The following NUP98 variants were observed in gnomAD, a reference collection of about 807,000 sequenced individuals.
NUP98 encodes the protein nuclear pore complex protein Nup98-Nup96.
In NUP98, 26 loss-of-function variants were observed where a neutral mutation model predicts 191.9. The ratio of observed to expected loss-of-function variants is 0.14; its 90% confidence interval spans 0.10 to 0.19. NUP98 has a LOEUF of 0.19. Ranked by LOEUF, NUP98 falls within the 10% of genes least tolerant of loss-of-function variation. NUP98 has a pLI of 1.00. For synonymous variants in NUP98, 808 were observed against 778.4 expected, an observed-to-expected ratio of 1.04 and a Z score of -0.63; for missense variants, 1,941 against 2,178.8, an observed-to-expected ratio of 0.89 and a Z score of 2.17.
intron 1 of NUP98, among the ~76,000 whole-genome samples, chr11:3,791,573 G>A (rs2082352441): frequency 6.7e-6 from 1 of 149,662 alleles, no homozygotes; most frequent in African/African-American, 2.5e-5. Flanking sequence ...GGCTGGGCAT[G>A]GTGGCTCATG....
At position 3,675,939 on chromosome 11, in the gene NUP98, A is replaced by T; in HGVS notation, c.*220T>A. On this transcript the variant is annotated 3_prime_UTR_variant, in exon 33 of 33. Coordinates refer to ENST00000324932, the MANE Select transcript of NUP98 (RefSeq NM_016320.5). ...GGAAAAACACTGAATGATCTTGAGG[A>T]TGGTAAACTGTCTCCTCTTCTGGGT... is the stretch of plus-strand genomic sequence containing the variant. 1 of 573,998 alleles carries T rather than the reference A, an allele frequency of 1.7e-6. No individual in the cohort carries two copies. The highest frequency in any genetic ancestry group is 3.1e-6 in the Non-Finnish European group (1 of 322,398). The allele number at this position is 573,998 out of a possible 1,614,324, so 35.6% of individuals were successfully genotyped here. A position where few individuals can be genotyped will look rare whatever the true frequency, so the allele number is the denominator to read the frequency against.
chr11:3,705,469 C>A (rs1428061314), intron 21 of NUP98, 113 bp from the exon 22 acceptor site: 3 of 990,752 alleles, frequency 3.0e-6, no homozygotes, highest in Non-Finnish European at 4.5e-6. Flanking sequence ...AGGCTGTGTA[C>A]AGAGCTAGTA....
rs369306696 is a variant in NUP98 at position 3,725,854 on chromosome 11, C to T, written c.1731-635G>A. Among the ~76,000 whole-genome samples the T allele has an allele frequency of 2.7e-3, 413 of 152,312 alleles. 3 individuals carry two copies. The highest frequency in any genetic ancestry group is 9.0e-3 in the African/African-American group (376 of 41,584). ...AGACAGAGTCTCACTGTGTCACCCA[C>T]GCTGGTGTGTAGTGGTACAATCGCT... On this transcript the variant is annotated intron_variant, in intron 14 of 32. Coordinates refer to ENST00000324932, the MANE Select transcript of NUP98 (RefSeq NM_016320.5).
Position 3,691,450 on chromosome 11 carries a change from G to A in NUP98, c.4351C>T (p.Pro1451Ser). 6.2e-7 allele frequency: 1 copy of A among 1,614,190 alleles called. No individual in the cohort carries two copies. The highest frequency in any genetic ancestry group is 8.5e-7 in the Non-Finnish European group (1 of 1,180,014). ...DSDRYACSPLPSYLEGSGCVI... is the reference protein window; with the variant it reads ...DSDRYACSPLSSYLEGSGCVI... The stretch of plus-strand genomic sequence containing the variant: ...CAGCCAGAACCCTCCAGATACGAAG[G>A]AAGTGGGGAGCAGGCATATCTGTCA... The change falls in exon 28 of 33, where the codon CCT becomes TCT. Residue 1451 changes from proline (P) to serine (S), a missense_variant. By Grantham distance (74) the Pro-to-Ser change is moderately conservative. Transcript: ENST00000324932.
chr11:3,702,952 T>A, intron 22 of NUP98, 60 bp from the exon 23 acceptor site: 2 of 1,356,752 alleles, frequency 1.5e-6, no homozygotes, highest in Non-Finnish European at 2.0e-6. Flanking sequence ...CTATTGTTTC[T>A]TGAACAATAA....
chr11:3,744,710 G>A (rs2080427790), intron 11 of NUP98, 61 bp from the exon 12 acceptor site: 3 of 1,535,916 alleles, frequency 2.0e-6, no homozygotes, highest in Non-Finnish European at 2.6e-6. Context: ...TTGTGCCAGA[G>A]GTCAGTTACT....
chr11:3,784,665 A>T (rs1372601299), intron 1 of NUP98, among the ~76,000 whole-genome samples: 1 of 152,002 alleles, frequency 6.6e-6, no homozygotes, highest in Non-Finnish European at 1.5e-5. Flanking sequence ...GAAGCTAGAG[A>T]ATCACTTTAG....
At chr11:3,683,076 T>C in intron 30 of NUP98, 124 bp downstream of exon 30, 1 of 1,415,754 alleles carries the variant, frequency 7.1e-7, no homozygotes, top group Non-Finnish European at 9.6e-7. Flanking sequence ...TTTTGCAAAG[T>C]ATGATTTGAT....
At chr11:3,740,511 T>G (rs943495139) in intron 12 of NUP98, among the ~76,000 whole-genome samples, 13 of 149,644 alleles carry the variant, frequency 8.7e-5, no homozygotes, top group African/African-American at 2.5e-4. Flanking sequence ...AGCAAGACTC[T>G]GTCTCAAAAA....
rs1381786141 is a variant in NUP98, at chr11:3,676,498, T to C, written c.5185+11A>G. 1 of 1,609,152 alleles carries C rather than the reference T, an allele frequency of 6.2e-7. No homozygotes were observed. The highest frequency in any genetic ancestry group is 2.2e-5 in the East Asian group (1 of 44,870). ...AAGAAGGCAGAAAGAGTGAGGAGGTTAGAGGCTTACCTGACTGAGCCAGGC... is the reference window on the plus strand; with the variant it reads ...AAGAAGGCAGAAAGAGTGAGGAGGTCAGAGGCTTACCTGACTGAGCCAGGC... On this transcript the variant is annotated intron_variant, in intron 32 of 32. Coordinates refer to ENST00000324932, the MANE Select transcript of NUP98 (RefSeq NM_016320.5).
At chr11:3,700,925 T>G in intron 23 of NUP98, 86 bp from the exon 24 acceptor site, 1 of 885,222 alleles carries the variant, frequency 1.1e-6, no homozygotes, top group Admixed American at 2.7e-5. Flanking sequence ...CTGTTTCTTT[T>G]TATGATTACA....
In NUP98 at chr11:3,723,378, T is replaced by C; in HGVS notation, c.1925A>G (p.Tyr642Cys). 1 of 1,614,090 alleles carries C rather than the reference T, an allele frequency of 6.2e-7. No homozygotes were observed. Among genetic ancestry groups the C allele is most frequent in the Non-Finnish European group, 8.5e-7 (1 of 1,179,994 alleles). Residue 642 changes from tyrosine to cysteine, a missense_variant, in exon 16 of 33, where the codon TAT (tyrosine) becomes TGT (cysteine). Physicochemically the swap from Tyr to Cys is radical, Grantham distance 194. Coordinates refer to ENST00000324932, the MANE Select transcript of NUP98 (RefSeq NM_016320.5). ...GDEDSLVSHF[Y>C]TNPIAKPIPQ... is the part of the protein sequence containing the mutation. The stretch of plus-strand genomic sequence containing the variant: ...AATAGGTTTGGCAATAGGGTTAGTA[T>C]AAAAATGTGAAACAAGGGAATCTTC...
chr11:3,735,833 CTG>C (rs76254248), intron 12 of NUP98, among the ~76,000 whole-genome samples: 13 of 138,266 alleles, frequency 9.4e-5, no homozygotes, highest in Admixed American at 2.2e-4. Context: ...AGGGCAAATA[CTG>C]TGTGTGTGTG....
chr11:3,784,894 T>C (rs2082090762), intron 1 of NUP98, among the ~76,000 whole-genome samples: 1 of 152,070 alleles, frequency 6.6e-6, no homozygotes, highest in South Asian at 2.1e-4. Context: ...TCCAACACTT[T>C]GGGAGGCAGA....
chr11:3,693,959 T>C (rs2078407438), intron 26 of NUP98, among the ~76,000 whole-genome samples: 1 of 152,094 alleles, frequency 6.6e-6, no homozygotes, highest in African/African-American at 2.4e-5. Flanking sequence ...AGCCAGGCAC[T>C]GTGGCTCACA....
intron 30 of NUP98, among the ~76,000 whole-genome samples, chr11:3,681,257 T>C (rs941099453): frequency 3.9e-5 from 6 of 152,130 alleles, no homozygotes; most frequent in Non-Finnish European, 7.3e-5. Context: ...CCCAGGCTGG[T>C]CTCGAACTCC....
chr11:3,747,876 C>T (rs1397831215), intron 11 of NUP98, among the ~76,000 whole-genome samples: 4 of 152,190 alleles, frequency 2.6e-5, no homozygotes, highest in Non-Finnish European at 5.9e-5. Context: ...GGAAATGTTC[C>T]TCCCAAACCC....
intron 10 of NUP98, among the ~76,000 whole-genome samples, chr11:3,756,224 C>T (rs149959448): frequency 3.9e-5 from 6 of 152,134 alleles, no homozygotes; most frequent in South Asian, 2.1e-4. Context: ...ACAAGACACT[C>T]GTGAACTATC....
At chr11:3,735,140 C>T in intron 13 of NUP98, 51 bp downstream of exon 13, 1 of 1,485,298 alleles carries the variant, frequency 6.7e-7, no homozygotes, top group African/African-American at 1.4e-5. Flanking sequence ...TCTGCACATT[C>T]AGTTTCTCTT....
Sources: gnomAD v4.1 joint callset for allele counts (sites outside exome capture counted in the v4.1 genomes callset) on GRCh38, gnomAD v4.1.1 for gene constraint, MANE v1.5 for transcripts, NCBI Gene and HGNC (gene_info 2026-07-23, HGNC 2026-07-21) for gene names.